QTMAN: variants seen among roughly 807,000 people sequenced by gnomAD.
QTMAN encodes queuosine-tRNA mannosyltransferase, also known as tRNA-queuosine alpha-mannosyltransferase.
the QTMAN span, among the ~76,000 whole-genome samples, chr2:144,031,099 A>T: frequency 6.6e-6 from 1 of 152,316 alleles, no homozygotes; most frequent in East Asian, 1.9e-4. Flanking sequence ...GAAGTTTTAA[A>T]ATACTGGGGA....
the QTMAN span, among the ~76,000 whole-genome samples, chr2:144,187,070 CAAAT>C: frequency 6.6e-6 from 1 of 152,220 alleles, no homozygotes; most frequent in Admixed American, 6.5e-5. Flanking sequence ...TAATAGCAGA[CAAAT>C]AACACCTTAT....
the QTMAN span, among the ~76,000 whole-genome samples, chr2:144,314,675 C>T: frequency 6.6e-6 from 1 of 151,940 alleles, no homozygotes; most frequent in Non-Finnish European, 1.5e-5. Context: ...ATAGTGCCAC[C>T]GCACTCCAGC....
chr2:144,105,826 A>C, the QTMAN span, among the ~76,000 whole-genome samples: 1 of 152,228 alleles, frequency 6.6e-6, no homozygotes, highest in South Asian at 2.1e-4. Context: ...GTTGAAATGA[A>C]GGAAAAAATG....
the QTMAN span, among the ~76,000 whole-genome samples, chr2:144,257,402 GA>G: frequency 8.3e-5 from 12 of 143,780 alleles, no homozygotes; most frequent in African/African-American, 2.6e-4. Flanking sequence ...GAAGGAGAGA[GA>G]AAAAAAAAAC....
At chr2:144,212,257 G>A in the QTMAN span, among the ~76,000 whole-genome samples, 3 of 152,178 alleles carry the variant, frequency 2.0e-5, no homozygotes, top group Admixed American at 1.3e-4. Flanking sequence ...GAGGTCAGGA[G>A]TTCGAAACCA....
the QTMAN span, among the ~76,000 whole-genome samples, chr2:144,247,428 T>C: frequency 2.6e-5 from 4 of 152,158 alleles, no homozygotes; most frequent in East Asian, 1.9e-4. Context: ...CTATGAATAA[T>C]AGCTACATAA....
the QTMAN span, among the ~76,000 whole-genome samples, chr2:144,217,612 G>T: frequency 3.9e-4 from 59 of 151,948 alleles, no homozygotes; most frequent in Non-Finnish European, 4.3e-4. Flanking sequence ...TTTTTTGTTA[G>T]AATCTCTTGG....
At chr2:144,049,489 A>T in the QTMAN span, among the ~76,000 whole-genome samples, 1 of 152,228 alleles carries the variant, frequency 6.6e-6, no homozygotes, top group Non-Finnish European at 1.5e-5. Flanking sequence ...CCAGAAAAAG[A>T]TATGTAAATA....
chr2:144,289,414 T>C, the QTMAN span, among the ~76,000 whole-genome samples: 2 of 152,372 alleles, frequency 1.3e-5, no homozygotes, highest in Admixed American at 1.3e-4. Context: ...TAGAAAACAC[T>C]GAGCATAGGC....
chr2:144,204,337 T>C, the QTMAN span, among the ~76,000 whole-genome samples: 1 of 152,262 alleles, frequency 6.6e-6, no homozygotes, highest in East Asian at 1.9e-4. Context: ...GCGAAGGATA[T>C]GAACAGACAC....
the QTMAN span, chr2:143,970,846 T>A: frequency 1.3e-6 from 1 of 761,142 alleles, no homozygotes; most frequent in African/African-American, 1.8e-5. Context: ...CAGTATCAAT[T>A]TTTTTCATGG....
the QTMAN span, among the ~76,000 whole-genome samples, chr2:144,261,841 C>A: frequency 6.4e-4 from 97 of 152,166 alleles, no homozygotes; most frequent in African/African-American, 2.2e-3. Context: ...GTATCACCTT[C>A]TTTTTATTTA....
the QTMAN span, among the ~76,000 whole-genome samples, chr2:143,983,573 C>T: frequency 1.3e-5 from 2 of 149,758 alleles, no homozygotes; most frequent in South Asian, 2.1e-4. Flanking sequence ...CCCGGGTTCA[C>T]GCCATTCTCC....
the QTMAN span, among the ~76,000 whole-genome samples, chr2:144,173,097 G>A: frequency 6.6e-6 from 1 of 152,066 alleles, no homozygotes; most frequent in Non-Finnish European, 1.5e-5. Context: ...CCCTTAAAAT[G>A]TTTCCTAAGA....
the QTMAN span, among the ~76,000 whole-genome samples, chr2:144,224,002 C>A: frequency 6.6e-6 from 1 of 152,134 alleles, no homozygotes; most frequent in African/African-American, 2.4e-5. Flanking sequence ...CTTCAAAAAT[C>A]AATTAGAATA....
At chr2:143,978,616 C>T in the QTMAN span, among the ~76,000 whole-genome samples, 18 of 152,154 alleles carry the variant, frequency 1.2e-4, no homozygotes, top group African/African-American at 3.6e-4. Context: ...TGTCTTAAGA[C>T]GAATTGAGTC....
chr2:144,043,404 G>A, the QTMAN span, among the ~76,000 whole-genome samples: 9 of 152,238 alleles, frequency 5.9e-5, no homozygotes, highest in East Asian at 9.7e-4. Flanking sequence ...AGGAGGCTGA[G>A]GTGGGTGGAT....
chr2:144,306,553 A>T, the QTMAN span, among the ~76,000 whole-genome samples: 1 of 151,994 alleles, frequency 6.6e-6, no homozygotes, highest in African/African-American at 2.4e-5. Flanking sequence ...TCATGACCTC[A>T]CCTAAACTTA....
the QTMAN span, among the ~76,000 whole-genome samples, chr2:144,242,477 A>C: frequency 6.6e-6 from 1 of 152,210 alleles, no homozygotes; most frequent in South Asian, 2.1e-4. Flanking sequence ...CAAGGATAAA[A>C]AGTAAGCTTC....
Sources: gnomAD v4.1 joint callset for allele counts (sites outside exome capture counted in the v4.1 genomes callset) on GRCh38, gnomAD v4.1.1 for gene constraint, MANE v1.5 for transcripts, NCBI Gene and HGNC (gene_info 2026-07-23, HGNC 2026-07-21) for gene names.